The following NF1 variants were observed in gnomAD, a reference collection of about 807,000 sequenced individuals.
NF1 encodes neurofibromin 1, also known as neurofibromin.
In NF1, 122 loss-of-function variants were observed where a neutral mutation model predicts 325.7. That is an observed-to-expected ratio of 0.37 (90% confidence interval 0.32 to 0.44). The LOEUF (loss-of-function observed/expected upper bound fraction) is 0.44. Among genes scored for constraint, NF1 ranks in the 20% least tolerant of loss-of-function variants. The pLI is 1.00. For synonymous variants in NF1, 1,091 were observed against 1,186.0 expected, an observed-to-expected ratio of 0.92 and a Z score of 1.65; for missense variants, 2,140 against 3,415.4, an observed-to-expected ratio of 0.63 and a Z score of 9.31.
chr17:31,140,838 T>C (rs1182260494), intron 1 of NF1, among the ~76,000 whole-genome samples: 1 of 152,194 alleles, frequency 6.6e-6, no homozygotes, highest in African/African-American at 2.4e-5. Flanking sequence ...CTAAGTGAAA[T>C]AGACCACGCA....
chr17:31,113,792 C>A (rs1298900452), intron 1 of NF1, among the ~76,000 whole-genome samples: 1 of 152,170 alleles, frequency 6.6e-6, no homozygotes. Context: ...AAGTGTTTGA[C>A]CACTCAGCCT....
rs940825978 is a variant in NF1, at chr17:31,117,401, G to A, written c.60+22032G>A. On this transcript the variant is annotated intron_variant, in intron 1 of 57. Transcript: ENST00000358273. ...AGAATAGTGATTTGCGGCCAGGCGC[G>A]GTGGCTCATGCCTGTAATCCCAGCA... Among the ~76,000 whole-genome samples, 63 of 151,392 alleles carry A rather than the reference G, an allele frequency of 4.2e-4. 2 individuals are homozygous for A. Among genetic ancestry groups the A allele is most frequent in the Admixed American group, 4.1e-3 (62 of 15,188 alleles).
rs201572252 is a variant in NF1 at position 31,109,394 on chromosome 17, C to CT, written c.60+14035dup. On this transcript the variant is annotated intron_variant, in intron 1 of 57. Coordinates refer to ENST00000358273, the MANE Select transcript of NF1 (RefSeq NM_001042492.3). ...AGATCATTTTCTTTTTTTTCTTTTT[C>CT]TTTTTTTTTTCTTTTTTGAGTCACT... Among the ~76,000 whole-genome samples the CT allele has an allele frequency of 4.5e-3, 665 of 147,700 alleles. 3 individuals are homozygous for CT. Among genetic ancestry groups the CT allele is most frequent in the African/African-American group, 0.015 (617 of 40,214 alleles).
chr17:31,225,386 T>G (rs1247430763), intron 17 of NF1, 136 bp downstream of exon 17: 4 of 960,398 alleles, frequency 4.2e-6, no homozygotes, highest in Non-Finnish European at 6.4e-6. Context: ...TTACTGCTCT[T>G]TGTGGAACTT....
At chr17:31,168,361 C>G (rs17878945) in intron 4 of NF1, among the ~76,000 whole-genome samples, 1 of 152,090 alleles carries the variant, frequency 6.6e-6, no homozygotes, top group African/African-American at 2.4e-5. Flanking sequence ...ATTGTCATAC[C>G]TATCAAGAAT....
intron 8 of NF1, among the ~76,000 whole-genome samples, chr17:31,197,075 C>T (rs1289656405): frequency 1.3e-5 from 2 of 151,156 alleles, no homozygotes; most frequent in East Asian, 1.9e-4. Flanking sequence ...GATGGAGTCT[C>T]GCTCTGTTGC....
chr17:31,368,368 G>C (rs1343439642), intron 57 of NF1, among the ~76,000 whole-genome samples: 1 of 152,102 alleles, frequency 6.6e-6, no homozygotes, highest in African/African-American at 2.4e-5. Context: ...TCGAACTCCT[G>C]ACCTCAAAGA....
At chr17:31,103,096 C>T (rs963729408) in intron 1 of NF1, among the ~76,000 whole-genome samples, 6 of 152,168 alleles carry the variant, frequency 3.9e-5, no homozygotes, top group African/African-American at 1.4e-4. Flanking sequence ...CTGCCTCAGC[C>T]TCCCAAAGTG....
chr17:31,253,846 A>G (rs2067533661), intron 31 of NF1: 1 of 152,200 alleles, frequency 6.6e-6, no homozygotes. Flanking sequence ...TTGTTCATAT[A>G]ATCCAAATGA....
chr17:31,318,982 T>G, intron 36 of NF1: 1 of 1,611,742 alleles, frequency 6.2e-7, no homozygotes, highest in Non-Finnish European at 8.5e-7. Context: ...AAGATGTAGG[T>G]AATGTCCTGT....
At chr17:31,257,743 T>C (rs1288499038) in intron 31 of NF1, 2 of 152,338 alleles carry the variant, frequency 1.3e-5, no homozygotes, top group Non-Finnish European at 2.9e-5. Context: ...TCTTGTATTA[T>C]AAAGGAAGCT....
At chr17:31,117,672 C>CAAAAAAAAAAACAAAAAA (rs1914060396) in intron 1 of NF1, among the ~76,000 whole-genome samples, 1 of 19,800 alleles carries the variant, frequency 5.1e-5, no homozygotes, top group Non-Finnish European at 1.1e-4. Context: ...AACTCCATCT[C>CAAAAAAAAAAACAAAAAA]AAAAAAAAAA....
intron 17 of NF1, among the ~76,000 whole-genome samples, chr17:31,225,641 A>G (rs2144030348): frequency 6.6e-6 from 1 of 152,304 alleles, no homozygotes; most frequent in Non-Finnish European, 1.5e-5. Context: ...AGGGATAAAA[A>G]CAAAGTATTT....
intron 5 of NF1, among the ~76,000 whole-genome samples, chr17:31,172,829 T>C (rs2065953102): frequency 6.6e-6 from 1 of 152,162 alleles, no homozygotes; most frequent in African/African-American, 2.4e-5. Context: ...ATTTTAGATA[T>C]ACCCCTTTGC....
intron 14 of NF1, 144 bp downstream of exon 14, chr17:31,219,262 T>C: frequency 3.8e-6 from 3 of 795,418 alleles, no homozygotes; most frequent in Non-Finnish European, 6.0e-6. Context: ...CATTGTTTTA[T>C]AAAACTCCAT....
At chr17:31,097,459 CAAA>C (rs71142015) in intron 1 of NF1, among the ~76,000 whole-genome samples, 11 of 78,330 alleles carry the variant, frequency 1.4e-4, no homozygotes, top group South Asian at 4.2e-4. Context: ...CTCTTGTCTC[CAAA>C]AAAAAAAAAA....
At chr17:31,314,021 T>C (rs1402560532) in intron 36 of NF1, 3 of 398,086 alleles carry the variant, frequency 7.5e-6, no homozygotes, top group Non-Finnish European at 1.3e-5. Context: ...ATTCTTGTTC[T>C]AACTGGACAT....
intron 1 of NF1, among the ~76,000 whole-genome samples, chr17:31,111,696 G>C (rs1913429474): frequency 6.6e-6 from 1 of 152,104 alleles, no homozygotes; most frequent in Non-Finnish European, 1.5e-5. Flanking sequence ...GACATTTTTA[G>C]ACAATCAAAA....
intron 5 of NF1, among the ~76,000 whole-genome samples, chr17:31,179,020 A>T (rs553125504): frequency 6.6e-6 from 1 of 152,362 alleles, no homozygotes; most frequent in South Asian, 2.1e-4. Flanking sequence ...TGGACCTAAT[A>T]GACATCTGCA....
Sources: gnomAD v4.1 joint callset for allele counts (sites outside exome capture counted in the v4.1 genomes callset) on GRCh38, gnomAD v4.1.1 for gene constraint, MANE v1.5 for transcripts, NCBI Gene and HGNC (gene_info 2026-07-23, HGNC 2026-07-21) for gene names.